Variants in NAV2 observed in about 807,000 individuals in gnomAD.
NAV2 encodes neuron navigator 2, also known as helicase, APC down-regulated 1.
In NAV2, 54 loss-of-function variants were observed where a neutral mutation model predicts 223.2. The ratio of observed to expected loss-of-function variants is 0.24; its 90% confidence interval spans 0.19 to 0.30. The LOEUF is 0.30. NAV2 is among the 10% of genes least tolerant of loss of function. The pLI, the probability that NAV2 is intolerant of heterozygous loss-of-function variation, is 1.00. For synonymous variants in NAV2, 1,279 were observed against 1,239.3 expected (o/e 1.03, Z -0.67); for missense variants, 2,806 against 3,147.5 (o/e 0.89, Z 2.60).
intron 1 of NAV2, among the ~76,000 whole-genome samples, chr11:19,776,028 A>G (rs1446280928): frequency 6.6e-6 from 1 of 152,170 alleles, no homozygotes; most frequent in East Asian, 1.9e-4. Flanking sequence ...ATTAGGACCA[A>G]TTTTATCACC....
intron 1 of NAV2, among the ~76,000 whole-genome samples, chr11:19,765,259 A>T (rs1336763585): frequency 6.6e-6 from 1 of 152,206 alleles, no homozygotes; most frequent in East Asian, 1.9e-4. Flanking sequence ...TTCTGTAAAA[A>T]GCCAGATAGT....
rs76964518 is a variant in NAV2, at chr11:19,884,970, AG to A, written c.770+4845del. Among the ~76,000 whole-genome samples the A allele has an allele frequency of 1.2e-4, 19 of 152,350 alleles. 1 individual carries two copies. The East Asian group carries it at 3.7e-3, about 29-fold the overall frequency. The stretch of plus-strand genomic sequence containing the variant: ...CCTCAGTTCCCTGAAAATAAAAAAC[AG>A]GCTTGCTCACAAGCTAGTTCTCTTA... On this transcript the variant is annotated intron_variant, in intron 5 of 37. Transcript: ENST00000349880.
intron 12 of NAV2, among the ~76,000 whole-genome samples, chr11:20,038,108 G>A (rs181026522): frequency 6.6e-6 from 1 of 152,280 alleles, no homozygotes; most frequent in East Asian, 1.9e-4. Context: ...TTCCCTTCTT[G>A]CAAAGCTGGA....
chr11:20,021,875 C>T (rs1423725645), intron 11 of NAV2, among the ~76,000 whole-genome samples: 3 of 152,214 alleles, frequency 2.0e-5, no homozygotes, highest in Non-Finnish European at 4.4e-5. Flanking sequence ...ATCTTTTATT[C>T]CCTCCCTTTT....
At chr11:19,350,013 G>GA (rs1269744667), upstream of NAV2, among the ~76,000 whole-genome samples, 2 of 152,030 alleles carry the variant, frequency 1.3e-5, no homozygotes, top group African/African-American at 2.4e-5. Context: ...GTAATTGGGG[G>GA]AAAAATATTG....
chr11:20,020,789 A>G (rs1374791868), intron 11 of NAV2, among the ~76,000 whole-genome samples: 1 of 152,302 alleles, frequency 6.6e-6, no homozygotes, highest in Non-Finnish European at 1.5e-5. Context: ...GTAAAAGACA[A>G]GCTGCTTACG....
intron 1 of NAV2, among the ~76,000 whole-genome samples, chr11:19,611,681 G>A (rs2135335536): frequency 6.6e-6 from 1 of 152,324 alleles, no homozygotes. Context: ...TGATGCAAGA[G>A]GTGGGTTCCC....
Position 19,475,969 on chromosome 11 carries a change from A to G in NAV2, c.75+124942A>G, listed in dbSNP as rs545054053. 5.9e-5 allele frequency among the ~76,000 whole-genome samples: 9 copies of G among 152,276 alleles called. No homozygotes were observed. In the East Asian group the frequency reaches 1.5e-3, roughly 26 times the overall value. On this transcript the variant is annotated intron_variant, in intron 1 of 37. Coordinates refer to the NAV2 transcript ENST00000360655. Reference sequence around the variant, plus strand: ...CTGAAGTCGAGTGTCAGTTGCCCTTAAGAGCATGCCATTCTTTTTTTTTGA... The same window carrying G: ...CTGAAGTCGAGTGTCAGTTGCCCTTGAGAGCATGCCATTCTTTTTTTTTGA...
intron 6 of NAV2, among the ~76,000 whole-genome samples, chr11:19,920,835 A>G (rs1050944330): frequency 3.9e-5 from 6 of 152,186 alleles, no homozygotes; most frequent in Non-Finnish European, 7.3e-5. Context: ...CCACTTCATT[A>G]TAATTATCTG....
At chr11:20,103,521 G>A (rs77902403) in intron 33 of NAV2, 112 bp downstream of exon 33, 18,156 of 1,491,076 alleles carry the variant, frequency 0.012, 185 homozygotes, top group South Asian at 0.037. Flanking sequence ...CTGTGCACAC[G>A]CATAGGGTTG....
chr11:19,750,373 T>G (rs2053710355), intron 1 of NAV2, among the ~76,000 whole-genome samples: 1 of 152,240 alleles, frequency 6.6e-6, no homozygotes, highest in Admixed American at 6.5e-5. Flanking sequence ...AACTGCCATG[T>G]GTCTCATTTT....
chr11:19,987,109 A>G (rs1004451805), intron 11 of NAV2, among the ~76,000 whole-genome samples: 4 of 152,244 alleles, frequency 2.6e-5, no homozygotes, highest in Non-Finnish European at 5.9e-5. Flanking sequence ...TAAGGTAAGG[A>G]TAGTGTAGAC....
chr11:19,910,494 A>C (rs985698401), intron 6 of NAV2, among the ~76,000 whole-genome samples: 3 of 152,202 alleles, frequency 2.0e-5, no homozygotes, highest in African/African-American at 4.8e-5. Flanking sequence ...AGTTCTTGAA[A>C]AACTGTATAG....
chr11:19,374,349 A>G (rs1410435414), intron 1 of NAV2, among the ~76,000 whole-genome samples: 2 of 143,906 alleles, frequency 1.4e-5, no homozygotes, highest in Admixed American at 7.1e-5. Flanking sequence ...CAGCTATTAA[A>G]TGACTCACCA....
chr11:19,902,648 T>A (rs2042544002), intron 6 of NAV2, among the ~76,000 whole-genome samples: 1 of 152,206 alleles, frequency 6.6e-6, no homozygotes, highest in Non-Finnish European at 1.5e-5. Flanking sequence ...ACGTGGAAAC[T>A]ATCACACATA....
At chr11:19,492,418 T>G (rs151252921) in intron 1 of NAV2, among the ~76,000 whole-genome samples, 1 of 152,094 alleles carries the variant, frequency 6.6e-6, no homozygotes, top group Non-Finnish European at 1.5e-5. Flanking sequence ...TATCAGCATG[T>G]GTCTGAAAGA....
intron 11 of NAV2, among the ~76,000 whole-genome samples, chr11:20,018,484 G>A (rs1030255150): frequency 6.6e-6 from 1 of 151,908 alleles, no homozygotes; most frequent in African/African-American, 2.4e-5. Flanking sequence ...GTAAAATATT[G>A]TTTGTGTATC....
chr11:19,679,378 C>G (rs1001548883), intron 1 of NAV2, among the ~76,000 whole-genome samples: 3 of 136,744 alleles, frequency 2.2e-5, no homozygotes, highest in African/African-American at 7.6e-5. Flanking sequence ...TTGCAGTGAA[C>G]CGAGATTGTG....
intron 1 of NAV2, among the ~76,000 whole-genome samples, chr11:19,829,315 C>T (rs941030446): frequency 6.6e-6 from 1 of 152,174 alleles, no homozygotes; most frequent in Non-Finnish European, 1.5e-5. Flanking sequence ...CCAGCCTGGC[C>T]GGTTTCTGAC....
Sources: gnomAD v4.1 joint callset for allele counts (sites outside exome capture counted in the v4.1 genomes callset) on GRCh38, gnomAD v4.1.1 for gene constraint, MANE v1.5 for transcripts, NCBI Gene and HGNC (gene_info 2026-07-23, HGNC 2026-07-21) for gene names.